MRTFB: variants seen among roughly 807,000 people sequenced by gnomAD.
The protein encoded by MRTFB is myocardin related transcription factor B.
A neutral mutation model predicts 104.2 loss-of-function variants in MRTFB; 29 were observed. The observed-to-expected ratio is 0.28, with a 90% CI of 0.21 to 0.38. The LOEUF is 0.38. Ranked by LOEUF, MRTFB falls within the 10% of genes least tolerant of loss-of-function variation. The probability of loss-of-function intolerance (pLI) is 1.00; values close to 1 mark genes in which losing one functional copy is unlikely to be tolerated. For synonymous variants in MRTFB, 535 were observed against 519.5 expected (o/e 1.03, Z -0.41); for missense variants, 1,270 against 1,341.6 (o/e 0.95, Z 0.83).
the MRTFB span, among the ~76,000 whole-genome samples, chr16:13,999,707 G>T: frequency 1.2e-4 from 18 of 152,104 alleles, no homozygotes; most frequent in Non-Finnish European, 1.8e-4. Context: ...GATGGAGAAC[G>T]CTGTGTCCTT....
At chr16:14,099,991 C>A (rs1361670858) in intron 2 of MRTFB, among the ~76,000 whole-genome samples, 1 of 152,144 alleles carries the variant, frequency 6.6e-6, no homozygotes, top group Non-Finnish European at 1.5e-5. Flanking sequence ...ATACTCACTA[C>A]TAGCTTTTTT....
chr16:14,170,054 C>T (rs1156400749), intron 3 of MRTFB: 2 of 152,004 alleles, frequency 1.3e-5, no homozygotes, highest in African/African-American at 2.4e-5. Context: ...GTAACATTTT[C>T]AAGTATTTTG....
the MRTFB span, among the ~76,000 whole-genome samples, chr16:14,034,698 A>C: frequency 6.6e-6 from 1 of 151,902 alleles, no homozygotes; most frequent in African/African-American, 2.4e-5. Context: ...TCTGTGTCCA[A>C]ATTTCCTCCA....
At chr16:14,143,375 ATAAT>A (rs1332051351) in intron 3 of MRTFB, 1 of 152,146 alleles carries the variant, frequency 6.6e-6, no homozygotes, top group Non-Finnish European at 1.5e-5. Context: ...AGGAGACAAA[ATAAT>A]TATTTAGCTT....
intron 10 of MRTFB, among the ~76,000 whole-genome samples, chr16:14,243,165 T>G (rs1327990691): frequency 6.6e-6 from 1 of 152,244 alleles, no homozygotes; most frequent in Non-Finnish European, 1.5e-5. Flanking sequence ...GTTGAATTTT[T>G]ATAAAGGATA....
At chr16:14,025,237 G>A in the MRTFB span, among the ~76,000 whole-genome samples, 95 of 152,288 alleles carry the variant, frequency 6.2e-4, no homozygotes, top group Middle Eastern at 3.4e-3. Flanking sequence ...CTGAAGTGCC[G>A]TGGTGCAATC....
chr16:14,159,929 CAAAA>C (rs552159164), intron 3 of MRTFB, among the ~76,000 whole-genome samples: 17 of 55,632 alleles, frequency 3.1e-4, no homozygotes, highest in South Asian at 1.5e-3. Flanking sequence ...GACTCCGTCT[CAAAA>C]AAAAAAAAAA....
the MRTFB span, among the ~76,000 whole-genome samples, chr16:14,033,471 C>G: frequency 1.3e-5 from 2 of 151,842 alleles, no homozygotes; most frequent in South Asian, 4.2e-4. Context: ...TGCTTGAGCC[C>G]AGGATATTGC....
chr16:14,024,936 G>T, the MRTFB span, among the ~76,000 whole-genome samples: 1 of 152,172 alleles, frequency 6.6e-6, no homozygotes, highest in South Asian at 2.1e-4. Flanking sequence ...CCCCAGTGGA[G>T]CTCGGATTTG....
At chr16:14,081,380 C>T (rs1362462125) in intron 2 of MRTFB, among the ~76,000 whole-genome samples, 2 of 151,632 alleles carry the variant, frequency 1.3e-5, no homozygotes, top group African/African-American at 2.4e-5. Context: ...GCAACCTCCG[C>T]CTCCCGGATT....
intron 2 of MRTFB, among the ~76,000 whole-genome samples, chr16:14,095,190 A>G (rs2035293465): frequency 6.6e-6 from 1 of 152,250 alleles, no homozygotes. Flanking sequence ...ATGTTAAGAC[A>G]TACAGTCAGA....
chr16:14,221,170 G>T (rs886825789), intron 8 of MRTFB, among the ~76,000 whole-genome samples: 1 of 152,088 alleles, frequency 6.6e-6, no homozygotes, highest in African/African-American at 2.4e-5. Context: ...TATGATGCTG[G>T]TAAAGTCTTG....
chr16:14,223,036 G>A (rs892144269), intron 8 of MRTFB, among the ~76,000 whole-genome samples: 3 of 152,132 alleles, frequency 2.0e-5, no homozygotes, highest in African/African-American at 4.8e-5. Flanking sequence ...GCAGGGTGCA[G>A]TGTCTCAGAC....
intron 10 of MRTFB, among the ~76,000 whole-genome samples, chr16:14,241,972 AT>A (rs1478136357): frequency 2.6e-5 from 2 of 76,548 alleles, no homozygotes; most frequent in East Asian, 7.5e-4. Flanking sequence ...ACCAATAATA[AT>A]AATAATAATA....
At chr16:14,112,073 G>A (rs1399271967) in intron 2 of MRTFB, among the ~76,000 whole-genome samples, 1 of 152,182 alleles carries the variant, frequency 6.6e-6, no homozygotes, top group Admixed American at 6.5e-5. Flanking sequence ...GTGTGGAGTA[G>A]GGGCAGAGTG....
chr16:14,029,604 G>A, the MRTFB span, among the ~76,000 whole-genome samples: 6 of 151,718 alleles, frequency 4.0e-5, no homozygotes, highest in African/African-American at 1.5e-4. Flanking sequence ...CCCCAGAGGT[G>A]CTCACTAATG....
At chr16:14,101,837 C>G (rs768057762) in intron 2 of MRTFB, among the ~76,000 whole-genome samples, 1 of 152,070 alleles carries the variant, frequency 6.6e-6, no homozygotes, top group Non-Finnish European at 1.5e-5. Context: ...GGATTTTCAT[C>G]ATTAAAAAGG....
chr16:14,209,432 A>C (rs1019022365), intron 3 of MRTFB, among the ~76,000 whole-genome samples: 14 of 152,230 alleles, frequency 9.2e-5, no homozygotes, highest in African/African-American at 3.4e-4. Flanking sequence ...CAAAGCAAGA[A>C]AAATATTTTT....
chr16:14,244,491 T>C (rs151124792), intron 10 of MRTFB, among the ~76,000 whole-genome samples: 2 of 152,368 alleles, frequency 1.3e-5, no homozygotes, highest in Non-Finnish European at 2.9e-5. Flanking sequence ...TGTTTTTCTT[T>C]AGTACAGTTT....
Sources: gnomAD v4.1 joint callset for allele counts (sites outside exome capture counted in the v4.1 genomes callset) on GRCh38, gnomAD v4.1.1 for gene constraint, MANE v1.5 for transcripts, NCBI Gene and HGNC (gene_info 2026-07-23, HGNC 2026-07-21) for gene names.